The following PSORS1C1 variants were observed in gnomAD, a reference collection of about 807,000 sequenced individuals.
PSORS1C1 encodes the protein psoriasis susceptibility 1 candidate gene 1 protein.
PSORS1C1 carries 7 observed loss-of-function variants against 9.4 expected under a neutral mutation model. The observed-to-expected ratio is 0.75, with a 90% confidence interval of 0.42 to 1.40. The LOEUF is 1.40. Ranked by LOEUF, PSORS1C1 falls within the 40% of genes most tolerant of loss-of-function variation. The pLI, the probability that PSORS1C1 is intolerant of heterozygous loss-of-function variation, is 0.01. For synonymous variants in PSORS1C1, 63 were observed against 69.4 expected (o/e 0.91, Z 0.46); for missense variants, 146 against 178.1 (o/e 0.82, Z 1.02).
chr6:31,134,528 A>G (rs61444472), intron 3 of PSORS1C1, among the ~76,000 whole-genome samples: 3,366 of 151,220 alleles, frequency 0.022, 122 homozygotes, highest in East Asian at 0.18. Flanking sequence ...GATGGTCTCG[A>G]TCTCCTGACC....
intron 3 of PSORS1C1, among the ~76,000 whole-genome samples, chr6:31,132,672 A>G (rs1280805405): frequency 6.6e-6 from 1 of 152,212 alleles, no homozygotes; most frequent in Non-Finnish European, 1.5e-5. Context: ...CAACATGGCA[A>G]GACATCATTT....
In PSORS1C1 at chr6:31,115,298, G is replaced by C. The variant is rs113009202; in HGVS notation, c.-229+407G>C. 4.1e-4 allele frequency: 82 copies of C among 201,734 alleles called. 1 individual carries two copies. Among genetic ancestry groups the C allele is most frequent in the African/African-American group, 1.8e-3 (78 of 42,678 alleles). 12.5% of individuals were successfully genotyped at this position (201,734 alleles called of 1,614,324 possible). A position where few individuals can be genotyped will look rare whatever the true frequency, so the allele number is the denominator to read the frequency against. ...GTCCCCACAGTTTACTGAGCCATCT[G>C]TCCAGGATCCAGGGACAGCAGGGAG... On this transcript the variant is annotated intron_variant, in intron 1 of 5. Transcript: ENST00000259881. This position sits in a 1 kb window ranked among gnomAD's most constrained non-coding sequence, Gnocchi z 4.2.
intron 1 of PSORS1C1, chr6:31,120,590 G>A (rs1772407648): frequency 4.5e-6 from 3 of 666,994 alleles, no homozygotes; most frequent in Non-Finnish European, 8.1e-6. Context: ...TAATCAGCCC[G>A]GTGCATCTGC....
chr6:31,131,597 CA>C (rs9281219), intron 3 of PSORS1C1, among the ~76,000 whole-genome samples: 20,503 of 77,972 alleles, frequency 0.26, 854 homozygotes, highest in Middle Eastern at 0.38. Flanking sequence ...GACTCCGTCT[CA>C]AAAAAAAAAA....
At chr6:31,117,822 G>A in intron 1 of PSORS1C1, 2 of 427,908 alleles carry the variant, frequency 4.7e-6, no homozygotes, top group Non-Finnish European at 8.6e-6. Context: ...GAGGGGGCTG[G>A]GCACAGTGGC....
At chr6:31,125,189 G>A (rs889769454) in intron 1 of PSORS1C1, among the ~76,000 whole-genome samples, 1 of 152,192 alleles carries the variant, frequency 6.6e-6, no homozygotes. Flanking sequence ...TTTGTGCTGA[G>A]GAGAGAAGGA....
At chr6:31,127,957 G>A (rs1433524661) in intron 2 of PSORS1C1, among the ~76,000 whole-genome samples, 3 of 152,180 alleles carry the variant, frequency 2.0e-5, no homozygotes, top group African/African-American at 7.2e-5. Context: ...TCCCTCACTG[G>A]AAGGCAGCTC....
Position 31,128,232 on chromosome 6 carries a change from G to C in PSORS1C1, c.-64-1337G>C, listed in dbSNP as rs1772767859. ...TGGACCCAGGGAGTGGATGACATTA[G>C]TGAGGGAAAGAGCAAAGGCTCTGGA... On this transcript the variant is annotated intron_variant, in intron 2 of 5. Transcript: ENST00000259881. The surrounding 1 kb of genome is among the most constrained non-coding windows in gnomAD (Gnocchi z 4.3). Among the ~76,000 whole-genome samples, 1 of 152,204 alleles carries C rather than the reference G, an allele frequency of 6.6e-6. No homozygotes were observed. Among genetic ancestry groups the C allele is most frequent in the Non-Finnish European group, 1.5e-5 (1 of 68,046 alleles).
In PSORS1C1 at chr6:31,115,087, T is replaced by C; in HGVS notation, c.-229+196T>C. On this transcript the variant is annotated intron_variant, in intron 1 of 5. Coordinates refer to ENST00000259881, the MANE Select transcript of PSORS1C1 (RefSeq NM_014068.3). The surrounding 1 kb of genome is among the most constrained non-coding windows in gnomAD (Gnocchi z 4.2). ...AGGATCTGGGAGGCCAGGCAATCTC[T>C]GCTTTCAGTTCAACAAATATTTATT... is the stretch of plus-strand genomic sequence containing the variant. The C allele has an allele frequency of 2.8e-6, 1 of 356,694 alleles. No individual in the cohort carries two copies. The highest frequency in any genetic ancestry group is 5.5e-6 in the Non-Finnish European group (1 of 181,614). The allele number at this position is 356,694 out of a possible 1,614,324, so 22.1% of individuals were successfully genotyped here. A position where few individuals can be genotyped will look rare whatever the true frequency, so the allele number is the denominator to read the frequency against.
intron 1 of PSORS1C1, chr6:31,120,566 C>A: frequency 1.4e-6 from 1 of 716,730 alleles, no homozygotes. Flanking sequence ...TTGGTGTGGC[C>A]GGGAGGAGCG....
intron 3 of PSORS1C1, among the ~76,000 whole-genome samples, chr6:31,135,070 C>A (rs1165051064): frequency 6.6e-6 from 1 of 152,190 alleles, no homozygotes; most frequent in Non-Finnish European, 1.5e-5. Flanking sequence ...CCCGATTCGG[C>A]CTCCCGAAGT....
intron 3 of PSORS1C1, among the ~76,000 whole-genome samples, chr6:31,136,792 G>GAACTC (rs1349444990): frequency 2.6e-5 from 4 of 152,336 alleles, no homozygotes; most frequent in African/African-American, 9.6e-5. Context: ...GGCAAGATAG[G>GAACTC]AACTCAAGTT....
intron 3 of PSORS1C1, among the ~76,000 whole-genome samples, chr6:31,136,569 T>G (rs1005953991): frequency 6.6e-6 from 1 of 152,106 alleles, no homozygotes. Flanking sequence ...CCCTTAAAAC[T>G]GGTCCTGCCG....
intron 3 of PSORS1C1, among the ~76,000 whole-genome samples, chr6:31,135,473 C>A (rs971897688): frequency 6.6e-6 from 1 of 152,094 alleles, no homozygotes; most frequent in African/African-American, 2.4e-5. Context: ...CTACCTCAGC[C>A]TCCCAAATGC....
chr6:31,126,296 T>G (rs1336514484), intron 2 of PSORS1C1, among the ~76,000 whole-genome samples: 4 of 152,180 alleles, frequency 2.6e-5, no homozygotes, highest in Non-Finnish European at 5.9e-5. Context: ...GAGGACGTAC[T>G]GGGGTTTCCC....
At position 31,138,665 on chromosome 6, in the gene PSORS1C1, C is replaced by G; in HGVS notation, c.53C>G (p.Thr18Ser). 6 of 1,613,158 alleles carry G rather than the reference C, an allele frequency of 3.7e-6. No homozygotes were observed. The highest frequency in any genetic ancestry group is 5.1e-6 in the Non-Finnish European group (6 of 1,179,834). Residue 18 changes from threonine (T) to serine (S), a missense_variant, in exon 5 of 6, where the codon ACC (threonine) becomes AGC (serine). Transcript: ENST00000259881. ...ACACCTTGGCCCCCAGGCACACAGA[C>G]CCCAGCTTTACAAGGACCCCAGCTC... is the stretch of plus-strand genomic sequence containing the variant. ...SHSQRALGTQ[T>S]PALQGPQLLN... is the part of the protein sequence containing the mutation.
rs1210606906 is a variant in PSORS1C1, at chr6:31,138,699, A to T, written c.87A>T (p.Thr29=). 1 of 1,611,764 alleles carries T rather than the reference A, an allele frequency of 6.2e-7. No homozygotes were observed. Among genetic ancestry groups the T allele is most frequent in the Non-Finnish European group, 8.5e-7 (1 of 1,179,526 alleles). ...PALQGPQLLN[T]DPSSEETRPP... ...TACAAGGACCCCAGCTCCTTAACAC[A>T]GATCCCAGCTCCGAGGAAACTCGTC... The change falls in exon 5 of 6, where the codon ACA becomes ACT. Residue 29 remains threonine, a synonymous_variant. Transcript: ENST00000259881.
intron 1 of PSORS1C1, chr6:31,117,635 G>A (rs1183822996): frequency 2.1e-6 from 2 of 944,798 alleles, no homozygotes; most frequent in African/African-American, 1.6e-5. Flanking sequence ...CCCAAGCAGA[G>A]CGCAGGGAGA....
At chr6:31,117,344 T>TGGAGCC in intron 1 of PSORS1C1, 7 of 1,578,386 alleles carry the variant, frequency 4.4e-6, no homozygotes, top group Non-Finnish European at 6.0e-6. Context: ...CCGCTGGAGC[T>TGGAGCC]ACCACTGGAG....
Sources: allele counts gnomAD v4.1 joint callset (sites outside exome capture counted in the v4.1 genomes callset), GRCh38; gene constraint gnomAD v4.1.1; non-coding constraint Gnocchi (gnomAD v3.1); transcripts MANE v1.5; gene names NCBI Gene and HGNC (gene_info 2026-07-23, HGNC 2026-07-21).